The following CA10 variants were observed in gnomAD, a reference collection of about 807,000 sequenced individuals.
CA10 encodes the protein carbonic anhydrase-related protein 10.
Under a neutral mutation model 44.2 loss-of-function variants are expected in CA10, and 14 were observed. The observed-to-expected ratio is 0.32, with a 90% CI of 0.21 to 0.50. CA10 has a LOEUF of 0.50. Ranked by LOEUF, CA10 falls within the 20% of genes least tolerant of loss-of-function variation. The pLI, the probability that CA10 is intolerant of heterozygous loss-of-function variation, is 0.99. For missense variants in CA10, 350 were observed against 409.7 expected (o/e 0.85, Z 1.26); for synonymous variants, 159 against 141.6 (o/e 1.12, Z -0.87).
intron 4 of CA10, among the ~76,000 whole-genome samples, chr17:51,692,551 A>G (rs977174109): frequency 6.6e-6 from 1 of 151,998 alleles, no homozygotes; most frequent in Admixed American, 6.5e-5. Flanking sequence ...CTCTTGCTTA[A>G]TTGCTCATGA....
At chr17:51,715,125 C>A (rs1916058521) in intron 4 of CA10, among the ~76,000 whole-genome samples, 1 of 151,920 alleles carries the variant, frequency 6.6e-6, no homozygotes, top group Non-Finnish European at 1.5e-5. Flanking sequence ...GACAAAAAAC[C>A]AAACACCTCA....
chr17:52,148,488 T>C (rs767703652), intron 1 of CA10, among the ~76,000 whole-genome samples: 44 of 152,210 alleles, frequency 2.9e-4, no homozygotes, highest in Non-Finnish European at 3.2e-4. Flanking sequence ...AGAGCAGGAC[T>C]AGAAAACTAT....
At chr17:51,917,066 C>T (rs1270960867) in intron 3 of CA10, among the ~76,000 whole-genome samples, 3 of 152,036 alleles carry the variant, frequency 2.0e-5, no homozygotes, top group Non-Finnish European at 4.4e-5. Flanking sequence ...TGGGAATTGC[C>T]CTTGACCTCT....
intron 3 of CA10, among the ~76,000 whole-genome samples, chr17:51,872,336 A>C (rs954358343): frequency 1.5e-4 from 23 of 152,172 alleles, no homozygotes; most frequent in Non-Finnish European, 7.3e-5. Context: ...AGTGTCTTGA[A>C]TCACTAAAAG....
At chr17:51,930,465 C>T (rs1982607977) in intron 3 of CA10, among the ~76,000 whole-genome samples, 1 of 152,080 alleles carries the variant, frequency 6.6e-6, no homozygotes, top group African/African-American at 2.4e-5. Flanking sequence ...ATCACAAAGC[C>T]CAGCTCAGCA....
intron 3 of CA10, among the ~76,000 whole-genome samples, chr17:51,816,130 T>A (rs1317133682): frequency 6.6e-6 from 1 of 152,184 alleles, no homozygotes; most frequent in Non-Finnish European, 1.5e-5. Flanking sequence ...AGTTTAATTG[T>A]TTTGACTTTT....
In CA10 at chr17:51,931,116, T is replaced by C; in HGVS notation, c.153A>G (p.Gly51=). 3 of 1,613,220 alleles carry C rather than the reference T, an allele frequency of 1.9e-6. No homozygotes were observed. The highest frequency in any genetic ancestry group is 2.5e-6 in the Non-Finnish European group (3 of 1,179,570). ...GSFVPVPSFW[G]LVNSAWNLCS... ...AAAGATTCCAAGCTGAGTTCACCAA[T>C]CCCCAGAAAGAAGGAACTAGAAACA... Residue 51 remains glycine (G), a synonymous_variant, in exon 3 of 9, where the codon GGA becomes GGG. Transcript: ENST00000451037.
At chr17:51,915,583 G>A (rs1218339500) in intron 3 of CA10, among the ~76,000 whole-genome samples, 2 of 152,080 alleles carry the variant, frequency 1.3e-5, no homozygotes, top group Non-Finnish European at 2.9e-5. Context: ...TATATTATCT[G>A]TGACCACTTC....
rs1459310613 is a variant in CA10 at position 51,643,970 on chromosome 17, G to A, written c.634+5212C>T. ...TAAAGTCAGGCAACAAAAGGAAGTG[G>A]TAGAGCCAGGATAGGAGCCCAGATC... On this transcript the variant is annotated intron_variant, in intron 6 of 8. Coordinates refer to ENST00000451037, the MANE Select transcript of CA10 (RefSeq NM_020178.5). Among the ~76,000 whole-genome samples, 3 of 152,288 alleles carry A rather than the reference G, an allele frequency of 2.0e-5. No homozygotes were observed. The East Asian group carries it at 5.8e-4, about 29-fold the overall frequency.
At chr17:51,833,359 C>T (rs1461445305) in intron 3 of CA10, among the ~76,000 whole-genome samples, 1 of 152,136 alleles carries the variant, frequency 6.6e-6, no homozygotes, top group African/African-American at 2.4e-5. Flanking sequence ...GCTTATTTTC[C>T]AACAGCCTTT....
chr17:51,875,397 G>A (rs1007544961), intron 3 of CA10, among the ~76,000 whole-genome samples: 7 of 152,168 alleles, frequency 4.6e-5, no homozygotes, highest in African/African-American at 1.4e-4. Context: ...CCAAGTCACC[G>A]TGATACACTT....
At chr17:52,060,517 T>C (rs757794794) in intron 2 of CA10, among the ~76,000 whole-genome samples, 2 of 152,196 alleles carry the variant, frequency 1.3e-5, no homozygotes, top group Non-Finnish European at 2.9e-5. Flanking sequence ...AAAGAGTATA[T>C]GGAAACTCCC....
In CA10 at chr17:51,752,588, C is replaced by T. The variant is rs530156513; in HGVS notation, c.280-4770G>A. Among the ~76,000 whole-genome samples the T allele has an allele frequency of 2.6e-5, 4 of 151,894 alleles. No homozygotes were observed. In the South Asian group the frequency reaches 6.3e-4, roughly 24 times the overall value. On this transcript the variant is annotated intron_variant, in intron 3 of 8. Transcript: ENST00000451037. ...CTTCTGATTCCAAGACTAATGATCT[C>T]GATGTAAGCAAATGCAAGTGTCCTT...
intron 4 of CA10, among the ~76,000 whole-genome samples, chr17:51,693,483 C>A (rs533778152): frequency 2.6e-5 from 4 of 152,104 alleles, no homozygotes; most frequent in Admixed American, 2.0e-4. Flanking sequence ...CAGCTTTTCA[C>A]CCCCTATCCA....
chr17:51,720,906 C>T (rs1281914699), intron 4 of CA10, among the ~76,000 whole-genome samples: 1 of 151,998 alleles, frequency 6.6e-6, no homozygotes, highest in Non-Finnish European at 1.5e-5. Context: ...AACATTCTCA[C>T]CATAAAAAAA....
intron 3 of CA10, among the ~76,000 whole-genome samples, chr17:51,770,010 GA>G (rs953612879): frequency 3.3e-5 from 5 of 152,212 alleles, no homozygotes; most frequent in Admixed American, 1.3e-4. Flanking sequence ...ATCTGGTGTA[GA>G]AAGGCTAGAC....
At chr17:52,073,107 C>G (rs1987729080) in intron 1 of CA10, among the ~76,000 whole-genome samples, 1 of 152,140 alleles carries the variant, frequency 6.6e-6, no homozygotes, top group South Asian at 2.1e-4. Flanking sequence ...ATGCTTATCC[C>G]TTTATTAAAC....
At chr17:52,119,261 G>A (rs28872927) in intron 1 of CA10, among the ~76,000 whole-genome samples, 95,433 of 151,440 alleles carry the variant, frequency 0.63, 32,303 homozygotes, top group African/African-American at 0.88. Context: ...TTATGGCAAA[G>A]TAGTTATTTG....
rs535868731 is a variant in CA10, at chr17:52,051,949, T to TA, written c.136+20369dup. On this transcript the variant is annotated intron_variant, in intron 2 of 8. Transcript: ENST00000451037. ...TACACCATGGAATACTAGGCGGCCA[T>TA]AAAAAAGAACAAGATCACGTCCTTT... Among the ~76,000 whole-genome samples, 20 of 152,044 alleles carry TA rather than the reference T, an allele frequency of 1.3e-4. 1 individual carries two copies. The East Asian group carries it at 3.9e-3, about 29-fold the overall frequency.
Sources: gnomAD v4.1 joint callset for allele counts (sites outside exome capture counted in the v4.1 genomes callset) on GRCh38, gnomAD v4.1.1 for gene constraint, MANE v1.5 for transcripts, NCBI Gene and HGNC (gene_info 2026-07-23, HGNC 2026-07-21) for gene names.